The following NSF variants were observed in gnomAD, a reference collection of about 807,000 sequenced individuals.
The protein encoded by NSF is N-ethylmaleimide sensitive factor, vesicle fusing ATPase.
Under a neutral mutation model 50.3 loss-of-function variants are expected in NSF, and 14 were observed. That is an observed-to-expected ratio of 0.28 (90% confidence interval 0.18 to 0.44). The LOEUF is 0.44. NSF is among the 20% of genes least tolerant of loss of function. The probability of loss-of-function intolerance (pLI) is 1.00; values close to 1 mark genes in which losing one functional copy is unlikely to be tolerated. For missense variants in NSF, 218 were observed against 504.3 expected, an observed-to-expected ratio of 0.43 and a Z score of 5.44; for synonymous variants, 109 against 175.7, an observed-to-expected ratio of 0.62 and a Z score of 3.00.
At chr17:46,721,889 A>G in intron 15 of NSF, 2 of 1,588,696 alleles carry the variant, frequency 1.3e-6, no homozygotes, top group Non-Finnish European at 1.7e-6. Context: ...AGCGATAAAG[A>G]CGACATGCTT....
Position 46,646,502 on chromosome 17 carries a change from CAAAAAAAAAAAAAAAAAAAAA to C in NSF, c.745+3256_745+3276del, listed in dbSNP as rs1158578265. The stretch of plus-strand genomic sequence containing the variant: ...TGGGCGACAGAGCGAGACTCCATCT[CAAAAAAAAAAAAAAAAAAAAA>C]AAAAAAAAAAAAGAAGAAGATAATG... On this transcript the variant is annotated intron_variant, in intron 8 of 20. Coordinates refer to ENST00000398238, the MANE Select transcript of NSF (RefSeq NM_006178.4). 1.0e-2 allele frequency among the ~76,000 whole-genome samples: 5 copies of C among 502 alleles called. 2 individuals carry two copies. The highest frequency in any genetic ancestry group is 0.047 in the Non-Finnish European group (3 of 64). 0.3% of individuals were successfully genotyped at this position (502 alleles called of 152,430 possible).
At chr17:46,633,637 A>G (rs1378427722) in intron 4 of NSF, among the ~76,000 whole-genome samples, 2 of 125,974 alleles carry the variant, frequency 1.6e-5, no homozygotes, top group Admixed American at 8.1e-5. Flanking sequence ...ACATTTTTCA[A>G]TGTTTAAGTA....
chr17:46,722,120 C>T (rs937264480), intron 15 of NSF: 55 of 1,611,754 alleles, frequency 3.4e-5, no homozygotes, highest in Admixed American at 8.3e-5. Flanking sequence ...CGAACTCGTC[C>T]GGCTTCTCGC....
intron 17 of NSF, among the ~76,000 whole-genome samples, chr17:46,741,990 G>A (rs987547151): frequency 3.3e-5 from 5 of 152,118 alleles, no homozygotes; most frequent in Non-Finnish European, 5.9e-5. Flanking sequence ...TCCTGACCTC[G>A]TGATCCACCC....
chr17:46,747,677 AG>A (rs1328850702), intron 17 of NSF, among the ~76,000 whole-genome samples: 3 of 152,244 alleles, frequency 2.0e-5, no homozygotes, highest in Non-Finnish European at 4.4e-5. Context: ...AAAATAAGTT[AG>A]TGTAAAGGTT....
intron 12 of NSF, among the ~76,000 whole-genome samples, chr17:46,695,605 T>TA (rs1192672135): frequency 2.3e-5 from 2 of 88,158 alleles, no homozygotes; most frequent in Non-Finnish European, 4.2e-5. Flanking sequence ...TTGTACTAAA[T>TA]ACCCTCACCT....
Position 46,722,105 on chromosome 17 carries a change from G to A in NSF, c.1762-4444G>A, listed in dbSNP as rs1045083093. ...CTCCAGAAGAGCCTGGGAGATGGCC[G>A]GACTCGAACTCGTCCGGCTTCTCGC... On this transcript the variant is annotated intron_variant, in intron 15 of 20. Coordinates refer to ENST00000398238, the MANE Select transcript of NSF (RefSeq NM_006178.4). 9.9e-6 allele frequency: 16 copies of A among 1,611,562 alleles called. No individual in the cohort carries two copies. The East Asian group carries it at 1.3e-4, about 13-fold the overall frequency.
intron 14 of NSF, among the ~76,000 whole-genome samples, chr17:46,711,887 G>A (rs2058722805): frequency 6.6e-6 from 1 of 152,162 alleles, no homozygotes; most frequent in Non-Finnish European, 1.5e-5. Context: ...AAAGTCCTGG[G>A]CAGGAAGGAG....
intron 13 of NSF, among the ~76,000 whole-genome samples, chr17:46,709,877 T>G (rs1489212365): frequency 2.0e-5 from 3 of 152,162 alleles, no homozygotes; most frequent in Non-Finnish European, 4.4e-5. Context: ...ATTTGCCATA[T>G]CTAGGCCAAA....
intron 17 of NSF, among the ~76,000 whole-genome samples, chr17:46,740,818 C>G (rs144434964): frequency 6.6e-6 from 1 of 152,020 alleles, no homozygotes; most frequent in African/African-American, 2.4e-5. Context: ...TGCACCACCA[C>G]GTCCAGCTAA....
At chr17:46,720,889 G>A (rs919090396) in intron 15 of NSF, among the ~76,000 whole-genome samples, 1 of 152,200 alleles carries the variant, frequency 6.6e-6, no homozygotes, top group Admixed American at 6.5e-5. Flanking sequence ...GCTTGTTGTG[G>A]CTTGTGATCC....
At chr17:46,689,056 A>G (rs1446204121) in intron 9 of NSF, among the ~76,000 whole-genome samples, 2 of 124,990 alleles carry the variant, frequency 1.6e-5, no homozygotes, top group Non-Finnish European at 3.1e-5. Flanking sequence ...AAAATATACC[A>G]TAAATAGGCT....
chr17:46,704,555 G>GT (rs1249618196), intron 12 of NSF, among the ~76,000 whole-genome samples: 3 of 141,264 alleles, frequency 2.1e-5, no homozygotes, highest in Non-Finnish European at 4.6e-5. Flanking sequence ...TTTTTATTTA[G>GT]TTTTTTGTTG....
At position 46,755,354 on chromosome 17, in the gene NSF, TAAGAG is replaced by T. The variant is rs756221295; in HGVS notation, c.2203_2207del (p.Glu735ArgfsTer3). 3.7e-6 allele frequency: 6 copies of T among 1,613,572 alleles called. No homozygotes were observed. The highest frequency in any genetic ancestry group is 2.2e-5 in the East Asian group (1 of 44,890). On this transcript the variant is annotated frameshift_variant, in exon 20 of 21. Transcript: ENST00000398238. LOFTEE classifies it high-confidence loss of function. ...CGTGTGAGAAAATTCTTGGCCCTCT[TAAGAG>T]AAGAAGGAGCGTAAGTACATACAAC... is the stretch of plus-strand genomic sequence containing the variant.
At chr17:46,745,562 C>G (rs190512176) in intron 17 of NSF, among the ~76,000 whole-genome samples, 33 of 152,288 alleles carry the variant, frequency 2.2e-4, no homozygotes, top group Middle Eastern at 3.4e-3. Context: ...TTTAAAAGTC[C>G]GGCTTTCTGG....
chr17:46,684,537 C>T (rs1253640108), intron 9 of NSF, among the ~76,000 whole-genome samples: 3 of 152,058 alleles, frequency 2.0e-5, no homozygotes, highest in African/African-American at 4.8e-5. Context: ...CAGCATGGTA[C>T]TGTTACCAAA....
chr17:46,712,418 A>T (rs1463999005), intron 14 of NSF, among the ~76,000 whole-genome samples: 1 of 152,126 alleles, frequency 6.6e-6, no homozygotes. Context: ...GTTAGATTGG[A>T]TGTGGGCAGA....
chr17:46,744,597 A>G (rs2059109388), intron 17 of NSF, among the ~76,000 whole-genome samples: 1 of 151,604 alleles, frequency 6.6e-6, no homozygotes, highest in Non-Finnish European at 1.5e-5. Context: ...CTGCAGTATT[A>G]TATTAGTGGC....
intron 17 of NSF, among the ~76,000 whole-genome samples, chr17:46,744,216 TAATTC>T (rs2059105870): frequency 6.6e-6 from 1 of 152,246 alleles, no homozygotes; most frequent in South Asian, 2.1e-4. Flanking sequence ...CCAAATCTCA[TAATTC>T]TATTAAGTAC....
Sources: gnomAD v4.1 joint callset for allele counts (sites outside exome capture counted in the v4.1 genomes callset) on GRCh38, gnomAD v4.1.1 for gene constraint, MANE v1.5 for transcripts, NCBI Gene and HGNC (gene_info 2026-07-23, HGNC 2026-07-21) for gene names.